TXLNB: variants seen among roughly 807,000 people sequenced by gnomAD.
The protein encoded by TXLNB is taxilin beta.
TXLNB carries 37 observed loss-of-function variants against 57.4 expected under a neutral mutation model. The ratio of observed to expected loss-of-function variants is 0.64; its 90% CI spans 0.50 to 0.85. TXLNB has a LOEUF of 0.85. Ranked by LOEUF, TXLNB falls within the 40% of genes least tolerant of loss-of-function variation. The probability of loss-of-function intolerance (pLI) is 0.00; values close to 1 mark genes in which losing one functional copy is unlikely to be tolerated. For missense variants in TXLNB, 848 were observed against 825.6 expected (o/e 1.03, Z -0.33); for synonymous variants, 302 against 309.6 (o/e 0.98, Z 0.26).
the TXLNB span, among the ~76,000 whole-genome samples, chr6:139,213,710 A>G: frequency 2.0e-5 from 3 of 152,210 alleles, no homozygotes; most frequent in Admixed American, 1.3e-4. Flanking sequence ...GAAAAGATCA[A>G]CAAAATTGAT....
chr6:139,228,235 G>A, the TXLNB span, among the ~76,000 whole-genome samples: 1 of 152,154 alleles, frequency 6.6e-6, no homozygotes, highest in African/African-American at 2.4e-5. Flanking sequence ...GGGAAACTAG[G>A]CTGGGCGCAG....
At chr6:139,304,941 T>A in the TXLNB span, among the ~76,000 whole-genome samples, 3 of 152,242 alleles carry the variant, frequency 2.0e-5, no homozygotes, top group Non-Finnish European at 4.4e-5. Flanking sequence ...AGGTGGGTGC[T>A]TTTTTGTGTG....
At chr6:139,270,905 T>C (rs1004037826) in intron 3 of TXLNB, among the ~76,000 whole-genome samples, 3 of 152,200 alleles carry the variant, frequency 2.0e-5, no homozygotes, top group Non-Finnish European at 2.9e-5. Context: ...CCTGAGTCTA[T>C]CTAACCAATA....
the TXLNB span, among the ~76,000 whole-genome samples, chr6:139,187,277 C>T: frequency 2.0e-5 from 3 of 152,164 alleles, no homozygotes; most frequent in African/African-American, 7.2e-5. Context: ...TGTAGGACTA[C>T]ACTTTCTTGC....
At chr6:139,168,457 C>A in the TXLNB span, among the ~76,000 whole-genome samples, 1 of 134,190 alleles carries the variant, frequency 7.5e-6, no homozygotes, top group Non-Finnish European at 1.6e-5. Context: ...TTGGCTAGTT[C>A]TCACTCTCCA....
chr6:139,236,909 A>G (rs1775842164), downstream of TXLNB, among the ~76,000 whole-genome samples: 1 of 152,114 alleles, frequency 6.6e-6, no homozygotes, highest in Non-Finnish European at 1.5e-5. Context: ...ACTGTGCCTG[A>G]CCACCTTTAT....
chr6:139,166,812 G>A, the TXLNB span: 1 of 1,613,590 alleles, frequency 6.2e-7, no homozygotes, highest in Non-Finnish European at 8.5e-7. Context: ...TCCCCCGGTG[G>A]CTCCCCGGGC....
At chr6:139,216,300 AATG>A in the TXLNB span, among the ~76,000 whole-genome samples, 1 of 151,740 alleles carries the variant, frequency 6.6e-6, no homozygotes, top group Non-Finnish European at 1.5e-5. Context: ...AGCCATAAAA[AATG>A]ATGAGTTCAT....
At chr6:139,309,956 T>TA in the TXLNB span, among the ~76,000 whole-genome samples, 1 of 152,276 alleles carries the variant, frequency 6.6e-6, no homozygotes, top group South Asian at 2.1e-4. Flanking sequence ...ACTCTTGTCT[T>TA]ACACCACACA....
chr6:139,234,006 G>T, the TXLNB span, among the ~76,000 whole-genome samples: 1 of 152,162 alleles, frequency 6.6e-6, no homozygotes. Flanking sequence ...TGGTGATGAA[G>T]AACTTGTTGG....
At chr6:139,167,009 AG>A in the TXLNB span, 3 of 1,613,992 alleles carry the variant, frequency 1.9e-6, no homozygotes, top group African/African-American at 1.3e-5. Flanking sequence ...GGCAGTTCAC[AG>A]GGGGGGACAC....
intron 3 of TXLNB, among the ~76,000 whole-genome samples, chr6:139,275,187 C>A (rs761012151): frequency 1.3e-5 from 2 of 152,026 alleles, no homozygotes; most frequent in African/African-American, 4.8e-5. Flanking sequence ...AAAGCTAATA[C>A]GTGATGATGT....
At chr6:139,213,308 T>C in the TXLNB span, among the ~76,000 whole-genome samples, 3 of 152,080 alleles carry the variant, frequency 2.0e-5, no homozygotes, top group African/African-American at 7.2e-5. Flanking sequence ...AAACTAGAAC[T>C]CAGGATTAAG....
At chr6:139,318,028 G>A in the TXLNB span, among the ~76,000 whole-genome samples, 103 of 152,016 alleles carry the variant, frequency 6.8e-4, no homozygotes, top group Middle Eastern at 6.8e-3. Context: ...CCCACACTTT[G>A]GGAGGCCGAG....
At chr6:139,306,728 G>A in the TXLNB span, among the ~76,000 whole-genome samples, 1 of 152,296 alleles carries the variant, frequency 6.6e-6, no homozygotes, top group South Asian at 2.1e-4. Context: ...AGATGCAGAA[G>A]CTAGCACAGC....
At chr6:139,312,675 A>G in the TXLNB span, among the ~76,000 whole-genome samples, 4 of 114,382 alleles carry the variant, frequency 3.5e-5, no homozygotes, top group African/African-American at 1.1e-4. Flanking sequence ...ACCCCAAAAC[A>G]TCCCTTGGAT....
chr6:139,178,015 C>T, the TXLNB span: 2 of 152,112 alleles, frequency 1.3e-5, no homozygotes, highest in Admixed American at 6.5e-5. Flanking sequence ...ATTTATTGTC[C>T]TCAAAATTGC....
intron 2 of TXLNB, among the ~76,000 whole-genome samples, chr6:139,281,705 C>A (rs1302246038): frequency 9.0e-6 from 1 of 110,578 alleles, no homozygotes; most frequent in Non-Finnish European, 1.7e-5. Context: ...CCCGCTACCA[C>A]GCCCGGCTAA....
At chr6:139,294,049 ATAT>A (rs1402095344), upstream of TXLNB, among the ~76,000 whole-genome samples, 5 of 152,226 alleles carry the variant, frequency 3.3e-5, no homozygotes, top group East Asian at 3.8e-4. Context: ...TTGAAGGATT[ATAT>A]TATTATTTGA....
Sources: gnomAD v4.1 joint callset for allele counts (sites outside exome capture counted in the v4.1 genomes callset) on GRCh38, gnomAD v4.1.1 for gene constraint, MANE v1.5 for transcripts, NCBI Gene and HGNC (gene_info 2026-07-23, HGNC 2026-07-21) for gene names.